CEP112: variants seen among roughly 807,000 people sequenced by gnomAD.
CEP112 encodes the protein centrosomal protein 112.
In CEP112, 127 loss-of-function variants were observed where a neutral mutation model predicts 153.0. The ratio of observed to expected loss-of-function variants is 0.83; its 90% CI spans 0.72 to 0.96. CEP112 has a LOEUF of 0.96. Among genes scored for constraint, CEP112 ranks in the 40% least tolerant of loss-of-function variants. The pLI, the probability that CEP112 is intolerant of heterozygous loss-of-function variation, is 0.00. For synonymous variants in CEP112, 358 were observed against 374.4 expected (o/e 0.96, Z 0.51); for missense variants, 1,089 against 1,101.2 (o/e 0.99, Z 0.16).
intron 24 of CEP112, among the ~76,000 whole-genome samples, chr17:65,678,841 C>T (rs541986435): frequency 6.6e-6 from 1 of 152,210 alleles, no homozygotes; most frequent in South Asian, 2.1e-4. Context: ...CCTGCCTCTT[C>T]TCTCCTCCCG....
intron 21 of CEP112, among the ~76,000 whole-genome samples, chr17:65,756,173 G>A (rs2052250912): frequency 6.6e-6 from 1 of 152,132 alleles, no homozygotes. Context: ...GGAGGCCAAG[G>A]CAGGTGGATC....
chr17:65,666,313 C>T (rs956301524), intron 24 of CEP112, among the ~76,000 whole-genome samples: 4 of 152,180 alleles, frequency 2.6e-5, no homozygotes, highest in African/African-American at 7.2e-5. Context: ...TGCTGGTCAA[C>T]CTTTAACTGC....
chr17:65,946,375 T>G (rs2061649189), intron 18 of CEP112, among the ~76,000 whole-genome samples: 2 of 152,210 alleles, frequency 1.3e-5, no homozygotes, highest in Non-Finnish European at 2.9e-5. Flanking sequence ...GGGGCAAGAT[T>G]CTTTTTCCCC....
intron 6 of CEP112, among the ~76,000 whole-genome samples, chr17:66,118,688 G>C (rs2069423339): frequency 1.3e-5 from 2 of 152,028 alleles, no homozygotes; most frequent in Admixed American, 6.6e-5. Context: ...ATAACTTACT[G>C]TATATTTTAA....
chr17:66,089,405 A>C (rs2068055231), intron 8 of CEP112, among the ~76,000 whole-genome samples: 1 of 152,230 alleles, frequency 6.6e-6, no homozygotes, highest in African/African-American at 2.4e-5. Flanking sequence ...AAGGAAGCTT[A>C]GTGAGCTTCA....
intron 24 of CEP112, among the ~76,000 whole-genome samples, chr17:65,649,076 AC>A (rs61523323): frequency 0.66 from 92,490 of 139,666 alleles, 29,710 homozygotes; most frequent in East Asian, 0.94. Context: ...ACAAACAAAC[AC>A]ACACACACAC....
At chr17:66,057,817 G>T (rs772853263) in intron 11 of CEP112, among the ~76,000 whole-genome samples, 5 of 150,060 alleles carry the variant, frequency 3.3e-5, no homozygotes, top group Admixed American at 2.7e-4. Flanking sequence ...GAGGGGGCAG[G>T]TACAGTGGCT....
intron 5 of CEP112, 123 bp downstream of exon 5, chr17:66,132,547 G>A: frequency 1.4e-6 from 1 of 723,724 alleles, no homozygotes; most frequent in South Asian, 1.7e-5. Context: ...ATGTTCACCA[G>A]AATCATCCAA....
intron 9 of CEP112, 142 bp from the exon 10 acceptor site, chr17:66,067,019 ACACAC>A (rs1255233910): frequency 9.5e-3 from 9 of 952 alleles, no homozygotes; most frequent in Non-Finnish European, 0.018. Context: ...AATTATAAAC[ACACAC>A]ACACACACAC....
At chr17:66,135,693 T>C (rs897781064) in intron 4 of CEP112, among the ~76,000 whole-genome samples, 1 of 152,290 alleles carries the variant, frequency 6.6e-6, no homozygotes, top group South Asian at 2.1e-4. Flanking sequence ...ACTAGGAGAA[T>C]ATAAATTTTC....
At chr17:65,924,982 C>T (rs895606539) in intron 19 of CEP112, among the ~76,000 whole-genome samples, 1 of 152,162 alleles carries the variant, frequency 6.6e-6, no homozygotes, top group Non-Finnish European at 1.5e-5. Context: ...CTTTCTTCCA[C>T]TTCCATACCT....
chr17:65,687,823 C>T (rs2047894905), intron 24 of CEP112, among the ~76,000 whole-genome samples: 1 of 152,192 alleles, frequency 6.6e-6, no homozygotes, highest in African/African-American at 2.4e-5. Flanking sequence ...TCCCTTCCCC[C>T]AAATTCAGAA....
chr17:65,756,725 A>C (rs990529041), intron 21 of CEP112, among the ~76,000 whole-genome samples: 1 of 152,162 alleles, frequency 6.6e-6, no homozygotes, highest in Non-Finnish European at 1.5e-5. Flanking sequence ...AAGCGGGTGA[A>C]TAGAGAGGTG....
At chr17:66,071,653 T>C (rs1454770487) in intron 8 of CEP112, among the ~76,000 whole-genome samples, 1 of 152,150 alleles carries the variant, frequency 6.6e-6, no homozygotes, top group Non-Finnish European at 1.5e-5. Flanking sequence ...AGCAATCCAT[T>C]AGCTAGCAAA....
intron 21 of CEP112, among the ~76,000 whole-genome samples, chr17:65,847,991 G>A (rs1010017286): frequency 6.6e-6 from 1 of 152,142 alleles, no homozygotes; most frequent in Non-Finnish European, 1.5e-5. Flanking sequence ...CGAGGGCTGA[G>A]GTAGGCCTGT....
chr17:65,862,979 A>T (rs1029640122), intron 20 of CEP112, among the ~76,000 whole-genome samples: 2 of 152,222 alleles, frequency 1.3e-5, no homozygotes, highest in African/African-American at 2.4e-5. Context: ...AAAGTTAATT[A>T]AAAAATAATA....
rs570241843 is a variant in CEP112, at chr17:65,823,280, C to T, written c.2394+28524G>A. Among the ~76,000 whole-genome samples the T allele has an allele frequency of 3.3e-5, 5 of 152,136 alleles. No individual in the cohort carries two copies. The East Asian group carries it at 9.6e-4, about 29-fold the overall frequency. On this transcript the variant is annotated intron_variant, in intron 21 of 26. Transcript: ENST00000535342. ...CAACTTATACTACCTATCTCTAAGACTGACTATAAAAGCTACAGTAATCAA... is the reference window on the plus strand; with the variant it reads ...CAACTTATACTACCTATCTCTAAGATTGACTATAAAAGCTACAGTAATCAA...
intron 20 of CEP112, among the ~76,000 whole-genome samples, chr17:65,854,999 G>C (rs1009588001): frequency 6.6e-6 from 1 of 152,094 alleles, no homozygotes; most frequent in African/African-American, 2.4e-5. Flanking sequence ...GGCAGACAAG[G>C]ATGGGTTGCT....
At chr17:65,763,550 G>C (rs2052743305) in intron 21 of CEP112, among the ~76,000 whole-genome samples, 1 of 149,864 alleles carries the variant, frequency 6.7e-6, no homozygotes. Flanking sequence ...AGTTTCTACT[G>C]AGATATCCTC....
Sources: gnomAD v4.1 joint callset for allele counts (sites outside exome capture counted in the v4.1 genomes callset) on GRCh38, gnomAD v4.1.1 for gene constraint, MANE v1.5 for transcripts, NCBI Gene and HGNC (gene_info 2026-07-23, HGNC 2026-07-21) for gene names.